The following DOCK3 variants were observed in gnomAD, a reference collection of about 807,000 sequenced individuals.
DOCK3 encodes the protein dedicator of cytokinesis 3.
A neutral mutation model predicts 265.6 loss-of-function variants in DOCK3; 60 were observed. The ratio of observed to expected loss-of-function variants is 0.23; its 90% CI spans 0.18 to 0.28. The LOEUF (loss-of-function observed/expected upper bound fraction) is 0.28. DOCK3 is among the 10% of genes least tolerant of loss of function. The pLI is 1.00. For missense variants in DOCK3, 1,981 were observed against 2,594.3 expected (o/e 0.76, Z 5.14); for synonymous variants, 881 against 938.0 (o/e 0.94, Z 1.11).
Position 50,820,238 on chromosome 3 carries a change from A to G in DOCK3, c.122-21437A>G, listed in dbSNP as rs561470292. Among the ~76,000 whole-genome samples, 47 of 152,264 alleles carry G rather than the reference A, an allele frequency of 3.1e-4. 1 individual carries two copies. The South Asian group carries it at 6.6e-3, about 21-fold the overall frequency. On this transcript the variant is annotated intron_variant, in intron 2 of 52. Transcript: ENST00000266037. ...CTTTACTCTGTTGGCTCACTCTTAA[A>G]TTCCTTCCTGCATGAAGCCAAGAAC...
chr3:50,931,378 A>G (rs1025534809), intron 4 of DOCK3, among the ~76,000 whole-genome samples: 1 of 152,000 alleles, frequency 6.6e-6, no homozygotes, highest in African/African-American at 2.4e-5. Context: ...TTTAGCACCT[A>G]TTTGTGCTTT....
At chr3:51,365,393 CAG>C (rs925006724) in intron 49 of DOCK3, among the ~76,000 whole-genome samples, 3 of 152,192 alleles carry the variant, frequency 2.0e-5, no homozygotes, top group Non-Finnish European at 2.9e-5. Flanking sequence ...TGGGCTGAGA[CAG>C]TGGGGTTTTC....
intron 27 of DOCK3, among the ~76,000 whole-genome samples, chr3:51,291,575 A>G (rs1276868666): frequency 1.3e-5 from 2 of 152,220 alleles, no homozygotes; most frequent in East Asian, 3.8e-4. Flanking sequence ...GAACAGACTA[A>G]TAACTAGTAA....
At chr3:50,897,516 A>C (rs1428485236) in intron 4 of DOCK3, among the ~76,000 whole-genome samples, 1 of 152,138 alleles carries the variant, frequency 6.6e-6, no homozygotes, top group Admixed American at 6.5e-5. Context: ...TTCCAACACT[A>C]TGTTAAATAG....
Position 51,090,292 on chromosome 3 carries a change from C to G in DOCK3, c.654C>G (p.Phe218Leu). The G allele has an allele frequency of 6.2e-7, 1 of 1,600,484 alleles. No homozygotes were observed. The highest frequency in any genetic ancestry group is 8.5e-7 in the Non-Finnish European group (1 of 1,173,204). The change falls in exon 9 of 53, where the codon TTC becomes TTG. Residue 218 changes from phenylalanine to leucine, a missense_variant. Physicochemically the swap from Phe to Leu is conservative, Grantham distance 22. Coordinates refer to ENST00000266037, the MANE Select transcript of DOCK3 (RefSeq NM_004947.5). ...GGATGCCAGTGCCACATCACTTCTTCCTCAGCCTGAAGAGTTTCACTTACA... is the reference window on the plus strand; with the variant it reads ...GGATGCCAGTGCCACATCACTTCTTGCTCAGCCTGAAGAGTTTCACTTACA... Reference protein sequence around the residue: ...TCRMPVPHHFFLSLKSFTYNT... With the variant: ...TCRMPVPHHFLLSLKSFTYNT...
intron 12 of DOCK3, among the ~76,000 whole-genome samples, chr3:51,182,087 C>T (rs547985410): frequency 1.3e-3 from 195 of 152,228 alleles, no homozygotes; most frequent in African/African-American, 4.5e-3. Flanking sequence ...GGTGGATTTG[C>T]TTTTACTTAG....
chr3:50,866,928 G>T (rs920035766), intron 3 of DOCK3, among the ~76,000 whole-genome samples: 2 of 152,076 alleles, frequency 1.3e-5, no homozygotes, highest in African/African-American at 4.8e-5. Context: ...TTCTTTTGTG[G>T]TTCCAAATAT....
chr3:51,377,262 G>C (rs899907014), intron 51 of DOCK3, among the ~76,000 whole-genome samples: 1 of 152,244 alleles, frequency 6.6e-6, no homozygotes, highest in Non-Finnish European at 1.5e-5. Flanking sequence ...GTACCACAAG[G>C]CCAGCATTTA....
intron 5 of DOCK3, among the ~76,000 whole-genome samples, chr3:50,999,627 A>G: frequency 6.6e-6 from 1 of 152,140 alleles, no homozygotes; most frequent in East Asian, 1.9e-4. Context: ...GGATTCACAT[A>G]TCCACTGTCT....
chr3:50,754,599 G>T (rs1221649757), intron 1 of DOCK3, among the ~76,000 whole-genome samples: 1 of 141,026 alleles, frequency 7.1e-6, no homozygotes, highest in African/African-American at 2.7e-5. Flanking sequence ...TGCTCTTGTC[G>T]CCCAGACTGG....
Position 50,803,703 on chromosome 3 carries a change from C to T in DOCK3, c.121+24945C>T, listed in dbSNP as rs554396225. On this transcript the variant is annotated intron_variant, in intron 2 of 52. Transcript: ENST00000266037. ...TGGGGCGGCTACCAGGCGGGGGCTG[C>T]CCCCCACCTCCCTCCCAGATGGGGC... Among the ~76,000 whole-genome samples the T allele has an allele frequency of 3.0e-3, 444 of 150,140 alleles. 5 individuals carry two copies. The highest frequency in any genetic ancestry group is 6.2e-4 in the Non-Finnish European group (42 of 67,348).
intron 5 of DOCK3, among the ~76,000 whole-genome samples, chr3:51,057,022 G>A (rs1330990208): frequency 1.3e-5 from 2 of 152,088 alleles, no homozygotes; most frequent in African/African-American, 4.8e-5. Flanking sequence ...TAATTGGTCC[G>A]TAAGCATATG....
Position 51,381,299 on chromosome 3 carries a change from C to T in DOCK3, c.5833C>T (p.Leu1945=). The change falls in exon 53 of 53, where the codon CTG becomes TTG. Residue 1945 remains leucine, a synonymous_variant. Transcript: ENST00000266037. This position sits in a 1 kb window ranked among gnomAD's most constrained non-coding sequence, Gnocchi z 5.6. The part of the protein sequence containing the change: ...VHYSLSESAV[L]DSIKAQPCRS... ...CTACAGCCTCTCTGAGTCTGCCGTC[C>T]TGGACTCCATCAAGGCCCAGCCATG... 1 of 1,613,712 alleles carries T rather than the reference C, an allele frequency of 6.2e-7. No homozygotes were observed. Among genetic ancestry groups the T allele is most frequent in the South Asian group, 1.1e-5 (1 of 91,090 alleles).
rs2083164978 is a variant in DOCK3, at chr3:51,312,876, A to C, written c.3227A>C (p.Glu1076Ala). 1 of 1,610,682 alleles carries C rather than the reference A, an allele frequency of 6.2e-7. No homozygotes were observed. The highest frequency in any genetic ancestry group is 1.3e-5 in the African/African-American group (1 of 75,030). The change falls in exon 31 of 53, where the codon GAA (glutamate) becomes GCA (alanine). Residue 1076 changes from glutamate (E) to alanine (A), a missense_variant. By Grantham distance (107) the Glu-to-Ala change is moderately radical. Around this residue, in one of 4 missense-constraint regions of DOCK3, gnomAD observed 1,357 missense variants for 1,866.8 expected, o/e 0.73. Transcript: ENST00000266037. ...GACATGCGTGTAATGATGGCCTATG[A>C]ACTGTTCAGCATGTGGCAGAATTTG... ...YGDMRVMMAY[E>A]LFSMWQNLGE...
intron 4 of DOCK3, among the ~76,000 whole-genome samples, chr3:50,900,095 G>A (rs1167836293): frequency 3.3e-5 from 5 of 152,128 alleles, no homozygotes; most frequent in Non-Finnish European, 7.4e-5. Flanking sequence ...CATTCTCACC[G>A]TCACTTTCAG....
chr3:50,934,551 G>C (rs2051250727), intron 5 of DOCK3, among the ~76,000 whole-genome samples: 2 of 152,120 alleles, frequency 1.3e-5, no homozygotes, highest in South Asian at 4.1e-4. Flanking sequence ...TAAAAGCCAG[G>C]CATGATGGCT....
At chr3:51,239,566 GT>G (rs748598302) in intron 21 of DOCK3, among the ~76,000 whole-genome samples, 37 of 118,896 alleles carry the variant, frequency 3.1e-4, no homozygotes, top group African/African-American at 5.8e-4. Flanking sequence ...TTTTTTTTTT[GT>G]TTGTTTGTTT....
chr3:50,757,679 A>G (rs972861667), intron 1 of DOCK3, among the ~76,000 whole-genome samples: 2 of 152,106 alleles, frequency 1.3e-5, no homozygotes, highest in Non-Finnish European at 2.9e-5. Context: ...CACATCTAAG[A>G]AACAGTTGAC....
intron 4 of DOCK3, among the ~76,000 whole-genome samples, chr3:50,911,909 G>A (rs1246441782): frequency 6.6e-6 from 1 of 151,800 alleles, no homozygotes; most frequent in East Asian, 1.9e-4. Context: ...TTTATTCTTA[G>A]GTATCTTATT....
Sources: allele counts gnomAD v4.1 joint callset (sites outside exome capture counted in the v4.1 genomes callset), GRCh38; gene constraint gnomAD v4.1.1; regional missense constraint gnomAD v4.1.1; non-coding constraint Gnocchi (gnomAD v3.1); transcripts MANE v1.5; gene names NCBI Gene and HGNC (gene_info 2026-07-23, HGNC 2026-07-21).